The following DOK6 variants were observed in gnomAD, a reference collection of about 807,000 sequenced individuals.
DOK6 encodes docking protein 6.
A neutral mutation model predicts 44.0 loss-of-function variants in DOK6; 22 were observed. The ratio of observed to expected loss-of-function variants is 0.50; its 90% confidence interval spans 0.36 to 0.71. The LOEUF is 0.71. Among genes scored for constraint, DOK6 ranks in the 30% least tolerant of loss-of-function variants. The pLI is 0.00. For synonymous variants in DOK6, 166 were observed against 145.5 expected, an observed-to-expected ratio of 1.14 and a Z score of -1.01; for missense variants, 340 against 416.4, an observed-to-expected ratio of 0.82 and a Z score of 1.60.
chr18:69,592,552 C>T (rs955642925), intron 2 of DOK6, among the ~76,000 whole-genome samples: 2 of 152,062 alleles, frequency 1.3e-5, no homozygotes, highest in Non-Finnish European at 2.9e-5. Flanking sequence ...TATACTTAGG[C>T]ATTAGTCTTG....
chr18:69,413,824 GA>G (rs1377331687), intron 1 of DOK6, among the ~76,000 whole-genome samples: 2 of 151,766 alleles, frequency 1.3e-5, no homozygotes, highest in Non-Finnish European at 2.9e-5. Flanking sequence ...TTTACTGGCA[GA>G]AAATACTTAA....
At chr18:69,670,510 A>ATT (rs34425516) in intron 3 of DOK6, among the ~76,000 whole-genome samples, 1,389 of 137,074 alleles carry the variant, frequency 0.01, 19 homozygotes, top group East Asian at 0.032. Context: ...TTGTGCATCA[A>ATT]TTTTTTTTTT....
intron 1 of DOK6, among the ~76,000 whole-genome samples, chr18:69,497,132 C>CA (rs1296231831): frequency 6.6e-6 from 1 of 152,008 alleles, no homozygotes; most frequent in Non-Finnish European, 1.5e-5. Context: ...ACAGTAAGTA[C>CA]AAAAAAATGC....
chr18:69,744,925 TAAAA>T (rs58133144), intron 6 of DOK6, among the ~76,000 whole-genome samples: 1 of 89,808 alleles, frequency 1.1e-5, no homozygotes, highest in African/African-American at 4.7e-5. Flanking sequence ...ACACTCCATC[TAAAA>T]AAAAAAAAAA....
intron 7 of DOK6, among the ~76,000 whole-genome samples, chr18:69,830,025 T>C (rs780622040): frequency 6.6e-6 from 1 of 152,112 alleles, no homozygotes; most frequent in Non-Finnish European, 1.5e-5. Context: ...CATGCCATAT[T>C]TAATCATTGT....
At chr18:69,416,267 A>G (rs1213368168) in intron 1 of DOK6, among the ~76,000 whole-genome samples, 2 of 152,112 alleles carry the variant, frequency 1.3e-5, no homozygotes, top group Admixed American at 6.6e-5. Context: ...ACATGTCCTT[A>G]AAATGAATGA....
intron 1 of DOK6, among the ~76,000 whole-genome samples, chr18:69,476,440 G>A (rs943686682): frequency 5.3e-5 from 8 of 151,774 alleles, no homozygotes; most frequent in African/African-American, 1.4e-4. Flanking sequence ...GAAATCAGAG[G>A]GATTCTTGGA....
chr18:69,454,915 G>C (rs1185763735), intron 1 of DOK6, among the ~76,000 whole-genome samples: 12 of 123,676 alleles, frequency 9.7e-5, no homozygotes, highest in African/African-American at 2.1e-4. Context: ...GTGGTGGGGT[G>C]GGGGGAGGGG....
chr18:69,517,366 T>TA (rs1981557851), intron 1 of DOK6, among the ~76,000 whole-genome samples: 2 of 152,240 alleles, frequency 1.3e-5, no homozygotes, highest in African/African-American at 4.8e-5. Context: ...TTTTAGATTT[T>TA]ATTCATATTA....
chr18:69,447,782 C>T (rs140382044), intron 1 of DOK6, among the ~76,000 whole-genome samples: 2 of 152,278 alleles, frequency 1.3e-5, no homozygotes, highest in African/African-American at 4.8e-5. Context: ...AATTAGTCTT[C>T]TTGATATTCT....
intron 3 of DOK6, among the ~76,000 whole-genome samples, chr18:69,619,037 A>C (rs1307970773): frequency 6.6e-6 from 1 of 152,206 alleles, no homozygotes; most frequent in Non-Finnish European, 1.5e-5. Flanking sequence ...ATTTAAATGC[A>C]TAGTTCCACT....
intron 1 of DOK6, among the ~76,000 whole-genome samples, chr18:69,410,589 T>G (rs1055081271): frequency 3.3e-5 from 5 of 152,226 alleles, no homozygotes; most frequent in African/African-American, 1.2e-4. Context: ...AACAAAAAAT[T>G]TCTTCGATGT....
chr18:69,742,819 T>C (rs943201233), intron 6 of DOK6, among the ~76,000 whole-genome samples: 2 of 152,240 alleles, frequency 1.3e-5, no homozygotes, highest in African/African-American at 4.8e-5. Flanking sequence ...CCTCAATGTA[T>C]GTATGGGTAA....
At chr18:69,549,058 T>C (rs181365491) in intron 1 of DOK6, among the ~76,000 whole-genome samples, 6 of 147,588 alleles carry the variant, frequency 4.1e-5, no homozygotes, top group Non-Finnish European at 9.0e-5. Context: ...ATCGCGCCAC[T>C]GCACATCAGC....
At chr18:69,434,645 C>T (rs531260194) in intron 1 of DOK6, among the ~76,000 whole-genome samples, 2 of 57,352 alleles carry the variant, frequency 3.5e-5, no homozygotes, top group Non-Finnish European at 6.4e-5. Context: ...AAAAATTGGC[C>T]AGGCACGGTG....
At chr18:69,576,583 A>G (rs933726453) in intron 2 of DOK6, among the ~76,000 whole-genome samples, 2 of 152,134 alleles carry the variant, frequency 1.3e-5, no homozygotes, top group Admixed American at 6.6e-5. Flanking sequence ...TAGACATTTG[A>G]TATGTTTACT....
chr18:69,691,781 G>T (rs1039671447), intron 4 of DOK6, among the ~76,000 whole-genome samples: 8 of 152,126 alleles, frequency 5.3e-5, no homozygotes, highest in African/African-American at 1.7e-4. Context: ...GTGAGAAGGA[G>T]CTCCAGCTGA....
chr18:69,470,044 G>A, intron 1 of DOK6: 1 of 162,880 alleles, frequency 6.1e-6, no homozygotes. Context: ...CCATCTCCAG[G>A]GGAAATTGAT....
At chr18:69,558,762 C>T (rs997175225) in intron 1 of DOK6, among the ~76,000 whole-genome samples, 1 of 152,092 alleles carries the variant, frequency 6.6e-6, no homozygotes, top group Non-Finnish European at 1.5e-5. Context: ...CTACATGCAA[C>T]TTGATATCCT....
Sources: gnomAD v4.1 joint callset for allele counts (sites outside exome capture counted in the v4.1 genomes callset) on GRCh38, gnomAD v4.1.1 for gene constraint, MANE v1.5 for transcripts, NCBI Gene and HGNC (gene_info 2026-07-23, HGNC 2026-07-21) for gene names.